The following CHKA variants were observed in gnomAD, a reference collection of about 807,000 sequenced individuals.
The protein encoded by CHKA is choline kinase alpha.
A neutral mutation model predicts 60.1 loss-of-function variants in CHKA; 34 were observed. The observed-to-expected ratio is 0.57, with a 90% CI of 0.43 to 0.75. The LOEUF (loss-of-function observed/expected upper bound fraction) is 0.75, where lower values mean the gene tolerates loss of function less well. CHKA is among the 30% of genes least tolerant of loss of function. The pLI is 0.00. For synonymous variants in CHKA, 217 were observed against 223.1 expected (o/e 0.97, Z 0.24); for missense variants, 563 against 561.3 (o/e 1.00, Z -0.03).
chr11:68,058,350 A>G (rs1465568645), intron 11 of CHKA, among the ~76,000 whole-genome samples: 1 of 152,218 alleles, frequency 6.6e-6, no homozygotes, highest in Non-Finnish European at 1.5e-5. Context: ...CAGCATGTCA[A>G]TTTCTACACA....
chr11:68,066,306 C>G, intron 8 of CHKA, 123 bp downstream of exon 8: 2 of 774,848 alleles, frequency 2.6e-6, no homozygotes, highest in African/African-American at 1.7e-5. Flanking sequence ...GCCACTGATT[C>G]CAGGTGAAGC....
intron 1 of CHKA, among the ~76,000 whole-genome samples, chr11:68,118,308 G>A (rs1486397611): frequency 6.6e-6 from 1 of 152,072 alleles, no homozygotes; most frequent in East Asian, 1.9e-4. Context: ...AGTAATGGTG[G>A]TGCGTGCCTG....
chr11:68,082,846 T>C (rs1432152708), intron 2 of CHKA, among the ~76,000 whole-genome samples: 1 of 152,240 alleles, frequency 6.6e-6, no homozygotes, highest in Non-Finnish European at 1.5e-5. Flanking sequence ...TTATGATATT[T>C]TCATTTGTGT....
rs569297026 is a variant in CHKA, at chr11:68,114,292, C to T, written c.350+6536G>A. Among the ~76,000 whole-genome samples, 14 of 152,208 alleles carry T rather than the reference C, an allele frequency of 9.2e-5. No individual in the cohort carries two copies. The East Asian group carries it at 2.5e-3, about 27-fold the overall frequency. On this transcript the variant is annotated intron_variant, in intron 1 of 11. Coordinates refer to ENST00000265689, the MANE Select transcript of CHKA (RefSeq NM_001277.3). Reference sequence around the variant, plus strand: ...CAACTTTATTCATAATTGCCAAAACCGTGAAGTAACCCAGATGTCCTTCAG... The same window carrying T: ...CAACTTTATTCATAATTGCCAAAACTGTGAAGTAACCCAGATGTCCTTCAG...
rs879923414 is a variant in CHKA at position 68,121,312 on chromosome 11, G to GGGCGGCGGC, written c.-144_-136dup. ...GGGGGCCGCGGCGGTTGGGCGCGCG[G>GGGCGGCGGC]GGCGGCGGCGGCGGCTGCGGCGACT... On this transcript the variant is annotated 5_prime_UTR_variant, in exon 1 of 12. Transcript: ENST00000265689. The GGGCGGCGGC allele has an allele frequency of 9.1e-5, 45 of 491,986 alleles. No homozygotes were observed. Among genetic ancestry groups the GGGCGGCGGC allele is most frequent in the African/African-American group, 8.5e-4 (38 of 44,502 alleles). 30.5% of individuals were successfully genotyped at this position (491,986 alleles called of 1,614,324 possible).
chr11:68,055,572 A>G (rs1855983467), intron 11 of CHKA, among the ~76,000 whole-genome samples: 1 of 152,186 alleles, frequency 6.6e-6, no homozygotes, highest in Non-Finnish European at 1.5e-5. Context: ...CCATTGCTCC[A>G]TGTGCTCGCC....
chr11:68,053,916 G>T lies in CHKA; in HGVS notation c.*72C>A. The T allele has an allele frequency of 1.5e-6, 2 of 1,339,978 alleles. No homozygotes were observed. Among genetic ancestry groups the T allele is most frequent in the Non-Finnish European group, 2.1e-6 (2 of 939,874 alleles). The allele number at this position is 1,339,978 out of a possible 1,614,324, so 83.0% of individuals were successfully genotyped here. ...TCCTGCCACAGGAGCAGTAGTCGAA[G>T]CACAGAGGGGACCCCGCTCTGCTGC... On this transcript the variant is annotated 3_prime_UTR_variant, in exon 12 of 12. Coordinates refer to ENST00000265689, the MANE Select transcript of CHKA (RefSeq NM_001277.3).
intron 1 of CHKA, among the ~76,000 whole-genome samples, chr11:68,111,884 T>C (rs1332896674): frequency 1.3e-5 from 2 of 150,866 alleles, no homozygotes; most frequent in African/African-American, 4.9e-5. Flanking sequence ...AGAAACCCCG[T>C]CTCTACTAAA....
At chr11:68,096,845 CTT>C (rs1414426484) in intron 2 of CHKA, among the ~76,000 whole-genome samples, 172 bp downstream of exon 2, 4 of 152,198 alleles carry the variant, frequency 2.6e-5, no homozygotes, top group African/African-American at 9.6e-5. Flanking sequence ...CACGAATTAA[CTT>C]AGAATGCAAA....
At chr11:68,064,175 G>A (rs1460329012) in intron 10 of CHKA, among the ~76,000 whole-genome samples, 1 of 152,216 alleles carries the variant, frequency 6.6e-6, no homozygotes, top group Non-Finnish European at 1.5e-5. Context: ...GGAAGGCCGA[G>A]CTGGGTGGAT....
intron 2 of CHKA, among the ~76,000 whole-genome samples, chr11:68,083,868 G>A (rs1051239002): frequency 3.3e-5 from 5 of 152,146 alleles, no homozygotes; most frequent in Admixed American, 3.3e-4. Context: ...AATAAGAAGT[G>A]TAAGACGAGG....
At chr11:68,081,342 A>G (rs561899882) in intron 3 of CHKA, 62 bp downstream of exon 3, 3 of 1,357,740 alleles carry the variant, frequency 2.2e-6, no homozygotes, top group Admixed American at 3.4e-5. Context: ...GCCCTGGAGT[A>G]GCGAAGGGTG....
chr11:68,107,592 GTA>G (rs1857962189), intron 1 of CHKA, among the ~76,000 whole-genome samples: 1 of 152,006 alleles, frequency 6.6e-6, no homozygotes, highest in Non-Finnish European at 1.5e-5. Context: ...CTGCCCAAAT[GTA>G]TATCCTCCCC....
At chr11:68,083,002 A>G (rs1217847014) in intron 2 of CHKA, among the ~76,000 whole-genome samples, 1 of 152,080 alleles carries the variant, frequency 6.6e-6, no homozygotes, top group Non-Finnish European at 1.5e-5. Flanking sequence ...GCTTCCCTTC[A>G]CCCTAATTCC....
chr11:68,093,007 G>GT (rs34534250), intron 2 of CHKA, among the ~76,000 whole-genome samples: 1,958 of 139,760 alleles, frequency 0.014, 30 homozygotes, highest in African/African-American at 0.028. Flanking sequence ...TTTTTTTTGG[G>GT]TTTTTTTTTT....
intron 1 of CHKA, among the ~76,000 whole-genome samples, chr11:68,108,580 TA>T (rs1019760110): frequency 3.9e-5 from 6 of 152,086 alleles, no homozygotes; most frequent in African/African-American, 1.2e-4. Flanking sequence ...CCGTCTCTAC[TA>T]AAAATACAAA....
chr11:68,120,901 G>T lies in CHKA; in HGVS notation c.277C>A (p.Leu93Met). ...CCGGGCAGGAACTCCTTGCACCACA[G>T]ATAGGCCCTGCGCCGCGTCCGGGGC... ...PEPRTRRRAY[L>M]WCKEFLPGAW... Residue 93 changes from leucine (L) to methionine (M), a missense_variant, in exon 1 of 12, where the codon CTG (leucine) becomes ATG (methionine). By Grantham distance (15) the Leu-to-Met change is conservative. Transcript: ENST00000265689. The T allele has an allele frequency of 1.5e-6, 2 of 1,318,190 alleles. No homozygotes were observed. Among genetic ancestry groups the T allele is most frequent in the Admixed American group, 5.3e-5 (2 of 37,820 alleles). 81.7% of individuals were successfully genotyped at this position (1,318,190 alleles called of 1,614,324 possible).
At chr11:68,071,236 T>C (rs1277082571) in intron 4 of CHKA, among the ~76,000 whole-genome samples, 1 of 152,240 alleles carries the variant, frequency 6.6e-6, no homozygotes, top group Non-Finnish European at 1.5e-5. Context: ...ATGGCCCCAC[T>C]TCCAGCTCCT....
At chr11:68,087,254 C>A (rs1369537722) in intron 2 of CHKA, among the ~76,000 whole-genome samples, 2 of 151,974 alleles carry the variant, frequency 1.3e-5, no homozygotes, top group Non-Finnish European at 1.5e-5. Context: ...TTGAGGGGGG[C>A]GGATCATTTG....
Sources: allele counts gnomAD v4.1 joint callset (sites outside exome capture counted in the v4.1 genomes callset), GRCh38; gene constraint gnomAD v4.1.1; transcripts MANE v1.5; gene names NCBI Gene and HGNC (gene_info 2026-07-23, HGNC 2026-07-21).